Variants in DEF8 observed in about 807,000 individuals in gnomAD.
DEF8 encodes differentially expressed in FDCP 8 homolog.
In DEF8, 38 loss-of-function variants were observed where a neutral mutation model predicts 59.1. The observed-to-expected ratio is 0.64, with a 90% CI of 0.50 to 0.84. The LOEUF (loss-of-function observed/expected upper bound fraction) is 0.84. Among genes scored for constraint, DEF8 ranks in the 40% least tolerant of loss-of-function variants. The probability of loss-of-function intolerance (pLI) is 0.00; values close to 1 mark genes in which losing one functional copy is unlikely to be tolerated. For missense variants in DEF8, 557 were observed against 615.2 expected (o/e 0.91, Z 1.00); for synonymous variants, 265 against 250.1 (o/e 1.06, Z -0.56).
chr16:89,959,378 G>A, intron 6 of DEF8: 1 of 1,422,982 alleles, frequency 7.0e-7, no homozygotes, highest in Non-Finnish European at 9.2e-7. Flanking sequence ...GGTGTGTCTA[G>A]TTTGTACAAT....
rs1480787894 is a variant in DEF8, at chr16:89,963,378, A to G, written c.937A>G (p.Ile313Val). 2 of 1,613,774 alleles carry G rather than the reference A, an allele frequency of 1.2e-6. No homozygotes were observed. The highest frequency in any genetic ancestry group is 1.1e-5 in the South Asian group (1 of 91,052). Residue 313 changes from isoleucine to valine, a missense_variant, in exon 10 of 13, where the codon ATC becomes GTC. Ile to Val is a conservative substitution (Grantham distance 29). Coordinates refer to ENST00000563594, the MANE Select transcript of DEF8 (RefSeq NM_001242818.2). ...LVEIRKLRQD[I>V]LLMKPYFITC... ...TTGTTTGCAGAAGCTGCGCCAGGAC[A>G]TCCTGCTCATGAAGCCGTACTTCAT...
At chr16:89,958,946 CT>C in intron 5 of DEF8, 67 bp from the exon 6 acceptor site, 1 of 1,581,496 alleles carries the variant, frequency 6.3e-7, no homozygotes, top group Non-Finnish European at 8.6e-7. Flanking sequence ...AGTTGAGGGG[CT>C]TGTGCGAAGG....
Position 89,963,395 on chromosome 16 carries a change from G to A in DEF8, c.954G>A (p.Pro318=), listed in dbSNP as rs77908930. The A allele has an allele frequency of 9.1e-4, 1,469 of 1,613,718 alleles. 16 individuals carry two copies. In the African/African-American group the frequency reaches 0.016, roughly 18 times the overall value. The change falls in exon 10 of 13, where the codon CCG becomes CCA. Residue 318 remains proline (P), a synonymous_variant. Coordinates refer to ENST00000563594, the MANE Select transcript of DEF8 (RefSeq NM_001242818.2). The stretch of plus-strand genomic sequence containing the variant: ...GCCAGGACATCCTGCTCATGAAGCC[G>A]TACTTCATCACCTGCAGGGAGGCCA... ...KLRQDILLMK[P]YFITCREAME... is the part of the protein sequence containing the mutation.
In DEF8 at chr16:89,959,527, C is replaced by G. The variant is rs970564827; in HGVS notation, c.514+372C>G. 2.6e-5 allele frequency among the ~76,000 whole-genome samples: 4 copies of G among 152,260 alleles called. No homozygotes were observed. In the East Asian group the frequency reaches 7.7e-4, roughly 29 times the overall value. ...GTTTTGTTTTTGAGACGGAGTCTCA[C>G]TCAATCGCCCAGGCTGGAGTGCAGT... On this transcript the variant is annotated intron_variant, in intron 6 of 12. Coordinates refer to ENST00000563594, the MANE Select transcript of DEF8 (RefSeq NM_001242818.2).
chr16:89,950,319 A>G (rs1417074428), intron 2 of DEF8: 12 of 984,182 alleles, frequency 1.2e-5, no homozygotes, highest in African/African-American at 1.8e-5. Flanking sequence ...CCTTCCATCC[A>G]CCCCAGAAAG....
rs558121681 is a variant in DEF8 at position 89,959,588 on chromosome 16, G to A, written c.514+433G>A. 2.0e-5 allele frequency among the ~76,000 whole-genome samples: 3 copies of A among 152,334 alleles called. No homozygotes were observed. In the South Asian group the frequency reaches 6.2e-4, roughly 32 times the overall value. ...CAGCTCACTGCAAGCTCCACCTCCC[G>A]GGTTCACACCGTTCTCCTGCCTCAG... On this transcript the variant is annotated intron_variant, in intron 6 of 12. Coordinates refer to ENST00000563594, the MANE Select transcript of DEF8 (RefSeq NM_001242818.2).
intron 2 of DEF8, among the ~76,000 whole-genome samples, chr16:89,951,678 C>T (rs1162290466): frequency 6.6e-6 from 1 of 152,184 alleles, no homozygotes; most frequent in African/African-American, 2.4e-5. Context: ...CCCCTGCAAT[C>T]ACGTCACTCT....
In DEF8 at chr16:89,967,470, G is replaced by A. The variant is rs190240262; in HGVS notation, c.*1507G>A. ...AGGTTCTTATTGTCTGCTCTGCCTC[G>A]GTTTCCCCATCTGGAAAATGGGGGC... On this transcript the variant is annotated 3_prime_UTR_variant, in exon 13 of 13. Coordinates refer to ENST00000563594, the MANE Select transcript of DEF8 (RefSeq NM_001242818.2). 5.0e-5 allele frequency: 20 copies of A among 398,614 alleles called. No homozygotes were observed. Among genetic ancestry groups the A allele is most frequent in the Admixed American group, 1.8e-4 (4 of 22,722 alleles). 24.7% of individuals were successfully genotyped at this position (398,614 alleles called of 1,614,324 possible).
At position 89,964,283 on chromosome 16, in the gene DEF8, C is replaced by T. The variant is rs764890007; in HGVS notation, c.1116C>T (p.Phe372=). The change falls in exon 11 of 13, where the codon TTC becomes TTT. Residue 372 remains phenylalanine (F), a synonymous_variant. Coordinates refer to ENST00000563594, the MANE Select transcript of DEF8 (RefSeq NM_001242818.2). ...GCSLTEIHTL[F]AKHIKLDCER... ...CGCTCACCGAGATCCACACGCTCTT[C>T]GCCAAGCACATCAAGCTGGACTGCG... 70 of 1,601,538 alleles carry T rather than the reference C, an allele frequency of 4.4e-5. No individual in the cohort carries two copies. The South Asian group carries it at 7.1e-4, about 16-fold the overall frequency.
chr16:89,964,023 G>A (rs1217418148), intron 10 of DEF8, 147 bp from the exon 11 acceptor site: 3 of 1,082,910 alleles, frequency 2.8e-6, no homozygotes, highest in Non-Finnish European at 2.8e-6. Context: ...GCTTCCTGGG[G>A]CTCCTGGATT....
At chr16:89,950,614 C>G (rs760634866) in intron 2 of DEF8, among the ~76,000 whole-genome samples, 1 of 152,098 alleles carries the variant, frequency 6.6e-6, no homozygotes, top group Non-Finnish European at 1.5e-5. Context: ...GGTTTGAACT[C>G]TTGACCTCAA....
At position 89,954,071 on chromosome 16, in the gene DEF8, G is replaced by A. The variant is rs2032686341; in HGVS notation, c.-10-172G>A. Reference sequence around the variant, plus strand: ...GTGGGGGCCTGGGCAGGAGGCAGCTGAGGTGTTTCAGGAAAAGGCTGAAGA... The same window carrying A: ...GTGGGGGCCTGGGCAGGAGGCAGCTAAGGTGTTTCAGGAAAAGGCTGAAGA... On this transcript the variant is annotated intron_variant, in intron 2 of 12. Transcript: ENST00000563594. This position sits in a 1 kb window ranked among gnomAD's most constrained non-coding sequence, Gnocchi z 4.3. 3 of 661,196 alleles carry A rather than the reference G, an allele frequency of 4.5e-6. No individual in the cohort carries two copies. Among genetic ancestry groups the A allele is most frequent in the Admixed American group, 3.2e-5 (1 of 31,494 alleles). The allele number at this position is 661,196 out of a possible 1,614,324, so 41.0% of individuals were successfully genotyped here.
At chr16:89,962,377 G>A (rs1390221945) in intron 9 of DEF8, among the ~76,000 whole-genome samples, 2 of 152,200 alleles carry the variant, frequency 1.3e-5, no homozygotes, top group African/African-American at 4.8e-5. Flanking sequence ...AAAGTAAAAA[G>A]AGCTGGGCAC....
intron 7 of DEF8, 60 bp downstream of exon 7, chr16:89,961,155 C>T (rs2033974038): frequency 6.4e-7 from 1 of 1,574,542 alleles, no homozygotes. Flanking sequence ...GAGCCGGGTG[C>T]ACAGGTGTGT....
intron 6 of DEF8, among the ~76,000 whole-genome samples, chr16:89,960,175 G>C (rs1199955469): frequency 6.6e-6 from 1 of 152,114 alleles, no homozygotes; most frequent in Non-Finnish European, 1.5e-5. Flanking sequence ...GCCACAAGTG[G>C]GTGCTGGACA....
chr16:89,952,536 A>G (rs1240685130), intron 2 of DEF8: 1 of 152,246 alleles, frequency 6.6e-6, no homozygotes, highest in African/African-American at 2.4e-5. Flanking sequence ...TGTGACAAAC[A>G]AAAATGAGGC....
At chr16:89,965,318 T>C (rs2034510449) in intron 12 of DEF8, among the ~76,000 whole-genome samples, 2 of 152,138 alleles carry the variant, frequency 1.3e-5, no homozygotes, top group African/African-American at 4.8e-5. Context: ...TTGCCTGGAA[T>C]TTGCTATTTT....
intron 2 of DEF8, among the ~76,000 whole-genome samples, chr16:89,952,383 G>A (rs2032324100): frequency 6.6e-6 from 1 of 152,156 alleles, no homozygotes; most frequent in African/African-American, 2.4e-5. Context: ...CGTACTTCCT[G>A]GGGTGGATGG....
chr16:89,964,364 T>C, intron 11 of DEF8, 54 bp downstream of exon 11: 1 of 1,544,924 alleles, frequency 6.5e-7, no homozygotes, highest in Non-Finnish European at 8.7e-7. Flanking sequence ...GAGGGGGGAT[T>C]GGCAGGAGAA....
Sources: allele counts gnomAD v4.1 joint callset (sites outside exome capture counted in the v4.1 genomes callset), GRCh38; gene constraint gnomAD v4.1.1; non-coding constraint Gnocchi (gnomAD v3.1); transcripts MANE v1.5; gene names NCBI Gene and HGNC (gene_info 2026-07-23, HGNC 2026-07-21).